Variants in SLC25A51 observed in about 807,000 individuals in gnomAD.
SLC25A51 encodes the protein mitochondrial nicotinamide adenine dinucleotide transporter SLC25A51.
Under a neutral mutation model 19.1 loss-of-function variants are expected in SLC25A51, and 11 were observed. The ratio of observed to expected loss-of-function variants is 0.58; its 90% confidence interval spans 0.36 to 0.96. The LOEUF is 0.96. Ranked by LOEUF, SLC25A51 falls within the 40% of genes least tolerant of loss-of-function variation. The pLI is 0.01. For missense variants in SLC25A51, 201 were observed against 365.4 expected, an observed-to-expected ratio of 0.55 and a Z score of 3.67; for synonymous variants, 105 against 133.6, an observed-to-expected ratio of 0.79 and a Z score of 1.47.
At chr9:37,900,835 AT>A (rs1422264580) in intron 1 of SLC25A51, among the ~76,000 whole-genome samples, 1 of 152,178 alleles carries the variant, frequency 6.6e-6, no homozygotes, top group Non-Finnish European at 1.5e-5. Context: ...CAGCTTGTGA[AT>A]TACCAATCTT....
At chr9:37,893,741 A>T (rs1225454470) in intron 2 of SLC25A51, among the ~76,000 whole-genome samples, 1 of 152,212 alleles carries the variant, frequency 6.6e-6, no homozygotes, top group Non-Finnish European at 1.5e-5. Flanking sequence ...GGCTGTTTGT[A>T]GATCCAGTAA....
At chr9:37,881,366 T>C (rs1831346383) in intron 3 of SLC25A51, among the ~76,000 whole-genome samples, 1 of 152,000 alleles carries the variant, frequency 6.6e-6, no homozygotes, top group Non-Finnish European at 1.5e-5. Flanking sequence ...CTTTAAGAAA[T>C]AAAATGTGGC....
At chr9:37,893,467 C>T (rs1564069436) in intron 2 of SLC25A51, among the ~76,000 whole-genome samples, 1 of 152,156 alleles carries the variant, frequency 6.6e-6, no homozygotes, top group Non-Finnish European at 1.5e-5. Context: ...AACTTCTCCC[C>T]ACTCAAAGAA....
intron 2 of SLC25A51, among the ~76,000 whole-genome samples, chr9:37,893,799 C>T (rs563864428): frequency 8.5e-5 from 13 of 152,140 alleles, no homozygotes; most frequent in African/African-American, 2.9e-4. Flanking sequence ...ACGTGTATAA[C>T]CTACATGAAT....
chr9:37,883,436 T>C (rs1255656868), downstream of SLC25A51, among the ~76,000 whole-genome samples: 1 of 152,250 alleles, frequency 6.6e-6, no homozygotes, highest in African/African-American at 2.4e-5. Flanking sequence ...ATGCCACTTA[T>C]TTGAGACAGC....
At chr9:37,888,999 T>A (rs1158360431) in intron 2 of SLC25A51, among the ~76,000 whole-genome samples, 2 of 152,258 alleles carry the variant, frequency 1.3e-5, no homozygotes, top group East Asian at 3.8e-4. Context: ...TGTGTTAACA[T>A]GTAATGTGTT....
At chr9:37,900,119 T>A (rs1831814580) in intron 1 of SLC25A51, among the ~76,000 whole-genome samples, 169 bp from the exon 2 acceptor site, 1 of 144,356 alleles carries the variant, frequency 6.9e-6, no homozygotes. Flanking sequence ...ATGACAGGCA[T>A]GAGCCACTGC....
chr9:37,902,029 T>C (rs1315540881), intron 1 of SLC25A51, among the ~76,000 whole-genome samples: 1 of 152,232 alleles, frequency 6.6e-6, no homozygotes, highest in Non-Finnish European at 1.5e-5. Context: ...ATGTACATGA[T>C]TACATGATAT....
intron 2 of SLC25A51, among the ~76,000 whole-genome samples, chr9:37,896,067 G>A (rs2118355694): frequency 6.6e-6 from 1 of 152,216 alleles, no homozygotes; most frequent in Non-Finnish European, 1.5e-5. Flanking sequence ...GCCTGCCTCG[G>A]CTTCCCAAAG....
chr9:37,886,401 T>G (rs764822511), downstream of SLC25A51: 338 of 1,576,772 alleles, frequency 2.1e-4, 1 homozygote, highest in Non-Finnish European at 2.6e-4. Context: ...GATCCTCACT[T>G]TGGCAGTGCT....
At chr9:37,885,688 A>G, downstream of SLC25A51, 1 of 1,337,422 alleles carries the variant, frequency 7.5e-7, no homozygotes, top group South Asian at 1.2e-5. Flanking sequence ...CCGGAGAGAG[A>G]AGCGGAGATC....
At chr9:37,886,172 G>A (rs1564066110), downstream of SLC25A51, 1 of 1,476,664 alleles carries the variant, frequency 6.8e-7, no homozygotes. Context: ...CCTGTTCCAA[G>A]GTGGCAAGAA....
chr9:37,885,757 A>T (rs548684518), downstream of SLC25A51: 1 of 1,509,698 alleles, frequency 6.6e-7, no homozygotes, highest in East Asian at 2.3e-5. Flanking sequence ...ACTGTGGAGC[A>T]ACATATAGGC....
intron 2 of SLC25A51, among the ~76,000 whole-genome samples, chr9:37,892,567 A>AT (rs1831616791): frequency 6.6e-6 from 1 of 151,548 alleles, no homozygotes; most frequent in East Asian, 1.9e-4. Flanking sequence ...TTATATATAT[A>AT]TATTTTTTTC....
chr9:37,884,557 G>A (rs950280863), downstream of SLC25A51, among the ~76,000 whole-genome samples: 4 of 152,124 alleles, frequency 2.6e-5, no homozygotes, highest in Non-Finnish European at 5.9e-5. Flanking sequence ...TAGAAACTAG[G>A]GGGAAAAAAG....
intron 2 of SLC25A51, among the ~76,000 whole-genome samples, chr9:37,892,275 C>T (rs1362296659): frequency 1.3e-5 from 2 of 152,120 alleles, no homozygotes; most frequent in African/African-American, 2.4e-5. Context: ...GGACATGACC[C>T]GTGGGCTCGG....
intron 2 of SLC25A51, among the ~76,000 whole-genome samples, chr9:37,897,687 G>A (rs974042469): frequency 6.6e-6 from 1 of 150,998 alleles, no homozygotes; most frequent in African/African-American, 2.4e-5. Flanking sequence ...TATAATTATA[G>A]TTCTTATATT....
At position 37,891,089 on chromosome 9, in the gene SLC25A51, T is replaced by C. The variant is rs1224093128; in HGVS notation, c.-42-2497A>G. Among the ~76,000 whole-genome samples the C allele has an allele frequency of 2.6e-5, 4 of 152,378 alleles. No individual in the cohort carries two copies. The East Asian group carries it at 7.7e-4, about 29-fold the overall frequency. ...CATTAGTTCCTAAGGGGCGTATATC[T>C]GCCAGAGCCACCAATGTGTAATGAA... On this transcript the variant is annotated intron_variant, in intron 2 of 2. Coordinates refer to ENST00000242275, the MANE Select transcript of SLC25A51 (RefSeq NM_033412.4).
downstream of SLC25A51, among the ~76,000 whole-genome samples, chr9:37,886,749 A>G (rs1274255105): frequency 6.6e-6 from 1 of 152,232 alleles, no homozygotes; most frequent in Non-Finnish European, 1.5e-5. Flanking sequence ...CAACCTGCAC[A>G]GCCTGGTTAG....
Sources: gnomAD v4.1 joint callset for allele counts (sites outside exome capture counted in the v4.1 genomes callset) on GRCh38, gnomAD v4.1.1 for gene constraint, MANE v1.5 for transcripts, NCBI Gene and HGNC (gene_info 2026-07-23, HGNC 2026-07-21) for gene names.